RAB6A: variants seen among roughly 807,000 people sequenced by gnomAD.
RAB6A encodes ras-related protein Rab-6A.
Under a neutral mutation model 32.3 loss-of-function variants are expected in RAB6A, and 8 were observed. That is an observed-to-expected ratio of 0.25 (90% confidence interval 0.15 to 0.45). RAB6A has a LOEUF of 0.45. Ranked by LOEUF, RAB6A falls within the 20% of genes least tolerant of loss-of-function variation. RAB6A has a pLI of 1.00. For synonymous variants in RAB6A, 73 were observed against 82.1 expected, an observed-to-expected ratio of 0.89 and a Z score of 0.60; for missense variants, 104 against 249.4, an observed-to-expected ratio of 0.42 and a Z score of 3.93.
At chr11:73,705,767 T>TGAGAGAGAGAGAGA (rs3046616) in intron 6 of RAB6A, among the ~76,000 whole-genome samples, 2,566 of 134,730 alleles carry the variant, frequency 0.019, 41 homozygotes, top group Non-Finnish European at 0.025. Context: ...ATAATTCCGA[T>TGAGAGAGAGAGAGA]GAGAGAGAGA....
At chr11:73,719,119 T>C (rs1460037707) in intron 3 of RAB6A, among the ~76,000 whole-genome samples, 3 of 152,308 alleles carry the variant, frequency 2.0e-5, no homozygotes, top group African/African-American at 7.2e-5. Context: ...AAAATGCCAC[T>C]GGGAAAAATT....
At chr11:73,746,853 G>A (rs1946595819) in intron 1 of RAB6A, among the ~76,000 whole-genome samples, 1 of 151,878 alleles carries the variant, frequency 6.6e-6, no homozygotes, top group South Asian at 2.1e-4. Flanking sequence ...ACGCAACCAT[G>A]AGACAAGTTA....
chr11:73,732,274 C>G (rs943226318), intron 1 of RAB6A, among the ~76,000 whole-genome samples: 5 of 152,084 alleles, frequency 3.3e-5, no homozygotes, highest in African/African-American at 7.2e-5. Flanking sequence ...CCAAAATGTA[C>G]TTTTTGGGAG....
chr11:73,714,752 G>A (rs1352096806), intron 5 of RAB6A, among the ~76,000 whole-genome samples: 1 of 151,964 alleles, frequency 6.6e-6, no homozygotes, highest in Non-Finnish European at 1.5e-5. Context: ...TGGATCACGA[G>A]GTCAGGAGTT....
At chr11:73,709,001 T>G (rs1945895064) in intron 5 of RAB6A, among the ~76,000 whole-genome samples, 1 of 152,224 alleles carries the variant, frequency 6.6e-6, no homozygotes, top group South Asian at 2.1e-4. Context: ...TTGTGTTATC[T>G]TCTCATTCTC....
chr11:73,736,809 GAAAAAAAAA>G (rs756237159), intron 1 of RAB6A, among the ~76,000 whole-genome samples: 1 of 108,776 alleles, frequency 9.2e-6, no homozygotes, highest in South Asian at 2.9e-4. Context: ...AAAAAAAAAA[GAAAAAAAAA>G]AAAAAAAACA....
At chr11:73,732,909 T>C (rs1229149775) in intron 1 of RAB6A, among the ~76,000 whole-genome samples, 1 of 151,652 alleles carries the variant, frequency 6.6e-6, no homozygotes, top group Non-Finnish European at 1.5e-5. Flanking sequence ...ACCTCCTGGG[T>C]TCAAGCAATT....
At chr11:73,739,377 G>T (rs1177491499) in intron 1 of RAB6A, among the ~76,000 whole-genome samples, 1 of 140,794 alleles carries the variant, frequency 7.1e-6, no homozygotes, top group Non-Finnish European at 1.5e-5. Flanking sequence ...TCACTATATT[G>T]CCCAGGTTGG....
intron 5 of RAB6A, among the ~76,000 whole-genome samples, chr11:73,708,696 G>GT (rs1306637034): frequency 2.0e-5 from 3 of 152,166 alleles, no homozygotes; most frequent in Non-Finnish European, 4.4e-5. Context: ...ATATACAAAT[G>GT]TTCTAATTAG....
chr11:73,725,508 G>A (rs185857774), intron 2 of RAB6A, among the ~76,000 whole-genome samples: 2 of 152,300 alleles, frequency 1.3e-5, no homozygotes, highest in Non-Finnish European at 2.9e-5. Flanking sequence ...ACATGGCTGG[G>A]GAGGCCTCAC....
intron 3 of RAB6A, 147 bp downstream of exon 3, chr11:73,720,699 T>G (rs1946122715): frequency 1.6e-6 from 1 of 629,306 alleles, no homozygotes; most frequent in African/African-American, 1.9e-5. Context: ...TACTACTCAC[T>G]CGGTAATAAG....
At chr11:73,679,402 A>T (rs1337970754) in intron 7 of RAB6A, among the ~76,000 whole-genome samples, 1 of 152,220 alleles carries the variant, frequency 6.6e-6, no homozygotes, top group African/African-American at 2.4e-5. Flanking sequence ...GGATTCTAAG[A>T]GTTTCCTGCT....
intron 5 of RAB6A, among the ~76,000 whole-genome samples, chr11:73,712,654 G>C (rs1945978631): frequency 6.7e-6 from 1 of 149,948 alleles, no homozygotes; most frequent in African/African-American, 2.5e-5. Context: ...CTCGCCTGTT[G>C]CTAGCTTTTC....
intron 1 of RAB6A, among the ~76,000 whole-genome samples, chr11:73,740,627 G>A (rs1015898037): frequency 4.0e-4 from 60 of 151,704 alleles, no homozygotes; most frequent in Non-Finnish European, 6.9e-4. Context: ...AGCGGCTCAC[G>A]CCGGTAATCC....
chr11:73,722,327 ATATATATATATATATATTTTTTT>A lies in RAB6A; in HGVS notation c.130-1451_130-1429del, dbSNP rs1461267044. The A allele has an allele frequency of 1.2e-3, 14 of 11,978 alleles. 1 individual carries two copies. Among genetic ancestry groups the A allele is most frequent in the African/African-American group, 3.4e-3 (13 of 3,814 alleles). The allele number at this position is 11,978 out of a possible 1,614,324, so 0.7% of individuals were successfully genotyped here. A position where few individuals can be genotyped will look rare whatever the true frequency, so the allele number is the denominator to read the frequency against. On this transcript the variant is annotated intron_variant, in intron 2 of 7. Coordinates refer to ENST00000336083, the MANE Select transcript of RAB6A (RefSeq NM_198896.2). ...TGTGTATATATATATATATATATAT[ATATATATATATATATATTTTTTT>A]TTTTTTTTTTTTTTTTTGAGACAGT...
chr11:73,739,285 ATAT>A lies in RAB6A; in HGVS notation c.71-8465_71-8463del, dbSNP rs1351906518. 9.5e-4 allele frequency among the ~76,000 whole-genome samples: 19 copies of A among 19,902 alleles called. 1 individual carries two copies. The highest frequency in any genetic ancestry group is 2.1e-3 in the African/African-American group (17 of 7,976). 13.1% of individuals were successfully genotyped at this position (19,902 alleles called of 152,430 possible). ...AATTAAAAAAAAAAAAAAAAAAAAA[ATAT>A]ATATATATATATATATAAATACTGG... On this transcript the variant is annotated intron_variant, in intron 1 of 7. Transcript: ENST00000336083.
chr11:73,679,017 C>T (rs920934286), intron 7 of RAB6A, among the ~76,000 whole-genome samples: 1 of 152,086 alleles, frequency 6.6e-6, no homozygotes, highest in Non-Finnish European at 1.5e-5. Context: ...TAAGCCACCG[C>T]GCCCGGCCTG....
chr11:73,691,770 G>A (rs1945568421), intron 6 of RAB6A, among the ~76,000 whole-genome samples: 2 of 152,204 alleles, frequency 1.3e-5, no homozygotes, highest in South Asian at 4.2e-4. Flanking sequence ...AGACTAGCCT[G>A]GCCAATATGG....
intron 6 of RAB6A, among the ~76,000 whole-genome samples, chr11:73,706,720 T>C (rs958745022): frequency 1.6e-4 from 24 of 152,158 alleles, no homozygotes; most frequent in African/African-American, 5.6e-4. Context: ...CAGCATTTTA[T>C]TAAGGATAAA....
Sources: allele counts gnomAD v4.1 joint callset (sites outside exome capture counted in the v4.1 genomes callset), GRCh38; gene constraint gnomAD v4.1.1; transcripts MANE v1.5; gene names NCBI Gene and HGNC (gene_info 2026-07-23, HGNC 2026-07-21).